Variants in CDKAL1 observed in about 807,000 individuals in gnomAD.
The protein encoded by CDKAL1 is threonylcarbamoyladenosine tRNA methylthiotransferase.
A neutral mutation model predicts 68.2 loss-of-function variants in CDKAL1; 32 were observed. The observed-to-expected ratio is 0.47, with a 90% confidence interval of 0.35 to 0.63. The LOEUF (loss-of-function observed/expected upper bound fraction) is 0.63, where lower values mean the gene tolerates loss of function less well. CDKAL1 is among the 30% of genes least tolerant of loss of function. CDKAL1 has a pLI of 0.00. For missense variants in CDKAL1, 606 were observed against 696.7 expected, an observed-to-expected ratio of 0.87 and a Z score of 1.47; for synonymous variants, 234 against 244.3, an observed-to-expected ratio of 0.96 and a Z score of 0.39.
rs141451640 is a variant in CDKAL1 at position 20,696,874 on chromosome 6, G to A, written c.372-42645G>A. On this transcript the variant is annotated intron_variant, in intron 5 of 15. Coordinates refer to ENST00000274695, the MANE Select transcript of CDKAL1 (RefSeq NM_017774.3). ...TGTGTTGAAGAATGTTTTGTATGAC[G>A]TGTTCGGTAGTCATTTTTCATCATG... 4.4e-3 allele frequency among the ~76,000 whole-genome samples: 663 copies of A among 152,164 alleles called. 5 individuals carry two copies. Among genetic ancestry groups the A allele is most frequent in the African/African-American group, 0.015 (626 of 41,506 alleles).
intron 13 of CDKAL1, among the ~76,000 whole-genome samples, chr6:21,140,368 A>G (rs929884434): frequency 5.9e-5 from 9 of 152,246 alleles, no homozygotes; most frequent in Middle Eastern, 3.2e-3. Flanking sequence ...GACCAAATGT[A>G]AACACTAGAG....
intron 8 of CDKAL1, among the ~76,000 whole-genome samples, chr6:20,810,367 G>GTCTCTCTC (rs5874785): frequency 2.9e-5 from 4 of 136,408 alleles, no homozygotes; most frequent in South Asian, 5.3e-4. Context: ...CATAGTGAGA[G>GTCTCTCTC]TCTCTCTCTC....
At chr6:20,644,231 G>A (rs1581883528) in intron 4 of CDKAL1, among the ~76,000 whole-genome samples, 3 of 151,386 alleles carry the variant, frequency 2.0e-5, no homozygotes, top group East Asian at 1.9e-4. Flanking sequence ...ATTCACAGCC[G>A]TATCCCCAGT....
chr6:20,984,565 G>A (rs868239178), intron 10 of CDKAL1, among the ~76,000 whole-genome samples: 1 of 152,166 alleles, frequency 6.6e-6, no homozygotes, highest in African/African-American at 2.4e-5. Flanking sequence ...GGAGGAATGA[G>A]GTTGCATGAT....
Position 21,099,997 on chromosome 6 carries a change from A to C in CDKAL1, c.1237-8404A>C, listed in dbSNP as rs112732904. Among the ~76,000 whole-genome samples, 694 of 152,320 alleles carry C rather than the reference A, an allele frequency of 4.6e-3. 6 individuals are homozygous for C. The highest frequency in any genetic ancestry group is 0.016 in the African/African-American group (667 of 41,572). On this transcript the variant is annotated intron_variant, in intron 12 of 15. Transcript: ENST00000274695. ...GAGCTTGATAGGAGAAGGTATGGCAACCTACATTTTATCACACATCACTGA... is the reference window on the plus strand; with the variant it reads ...GAGCTTGATAGGAGAAGGTATGGCACCCTACATTTTATCACACATCACTGA...
At chr6:20,963,822 C>G (rs1311898220) in intron 10 of CDKAL1, among the ~76,000 whole-genome samples, 1 of 152,012 alleles carries the variant, frequency 6.6e-6, no homozygotes, top group Non-Finnish European at 1.5e-5. Context: ...GTTCCAGTGT[C>G]TATATTATGA....
chr6:20,936,551 A>AT (rs961793572), intron 9 of CDKAL1, among the ~76,000 whole-genome samples: 299 of 144,844 alleles, frequency 2.1e-3, no homozygotes, highest in Admixed American at 3.1e-3. Context: ...CGCCCGGCCC[A>AT]TTTTTTTTTT....
rs73735033 is a variant in CDKAL1, at chr6:20,939,751, A to G, written c.743-15668A>G. Reference sequence around the variant, plus strand: ...GGATTGAGAGATGGTGTTTTTATCAAGTTAACAGGAGTGCTTTGGTAATGA... The same window carrying G: ...GGATTGAGAGATGGTGTTTTTATCAGGTTAACAGGAGTGCTTTGGTAATGA... On this transcript the variant is annotated intron_variant, in intron 9 of 15. Coordinates refer to ENST00000274695, the MANE Select transcript of CDKAL1 (RefSeq NM_017774.3). 3.9e-3 allele frequency among the ~76,000 whole-genome samples: 587 copies of G among 152,320 alleles called. 4 individuals carry two copies. Among genetic ancestry groups the G allele is most frequent in the African/African-American group, 0.013 (559 of 41,572 alleles).
chr6:21,093,694 CTTTTTTTTTTTTTTTTTTTTTT>C (rs547923386), intron 12 of CDKAL1, among the ~76,000 whole-genome samples: 27 of 88,084 alleles, frequency 3.1e-4, no homozygotes, highest in African/African-American at 1.1e-3. Context: ...GCTGCTGCTG[CTTTTTTTTTTTTTTTTTTTTTT>C]TTTTTTTTTT....
At chr6:20,968,547 C>A (rs1398381781) in intron 10 of CDKAL1, among the ~76,000 whole-genome samples, 1 of 151,942 alleles carries the variant, frequency 6.6e-6, no homozygotes, top group Non-Finnish European at 1.5e-5. Flanking sequence ...CCTAGAACTC[C>A]CATTATGTGT....
At chr6:20,746,561 A>G (rs1007251604) in intron 6 of CDKAL1, among the ~76,000 whole-genome samples, 6 of 152,140 alleles carry the variant, frequency 3.9e-5, no homozygotes, top group South Asian at 2.1e-4. Flanking sequence ...CTCCATTACT[A>G]TGTAAGGTAG....
At chr6:20,998,936 CA>C (rs1767270919) in intron 10 of CDKAL1, among the ~76,000 whole-genome samples, 1 of 152,148 alleles carries the variant, frequency 6.6e-6, no homozygotes, top group Admixed American at 6.6e-5. Flanking sequence ...CTAATGTTCA[CA>C]GTCAATGAAA....
intron 5 of CDKAL1, among the ~76,000 whole-genome samples, chr6:20,722,010 C>T (rs1396122520): frequency 1.3e-5 from 2 of 152,022 alleles, no homozygotes; most frequent in South Asian, 2.1e-4. Flanking sequence ...GGATTACAGG[C>T]GTGAGCCACC....
At chr6:20,752,969 A>G (rs1309770891) in intron 6 of CDKAL1, among the ~76,000 whole-genome samples, 1 of 152,068 alleles carries the variant, frequency 6.6e-6, no homozygotes, top group Non-Finnish European at 1.5e-5. Context: ...GGAACCTTTG[A>G]CCACTCCCAA....
chr6:21,080,367 C>T (rs1032989545), intron 12 of CDKAL1, among the ~76,000 whole-genome samples: 4 of 152,112 alleles, frequency 2.6e-5, no homozygotes, highest in Non-Finnish European at 4.4e-5. Flanking sequence ...GTTTCTAAGA[C>T]GGAAATGCTC....
At chr6:20,672,475 C>T (rs929456846) in intron 5 of CDKAL1, among the ~76,000 whole-genome samples, 1 of 152,024 alleles carries the variant, frequency 6.6e-6, no homozygotes, top group Non-Finnish European at 1.5e-5. Context: ...GTGCCTCAGC[C>T]TCCCGAGTAG....
intron 9 of CDKAL1, among the ~76,000 whole-genome samples, chr6:20,942,508 C>T (rs1411933691): frequency 1.3e-5 from 2 of 150,468 alleles, no homozygotes; most frequent in Admixed American, 1.3e-4. Flanking sequence ...GCTGGGATTA[C>T]AGTTGGGTGC....
At chr6:20,815,520 T>G (rs1004124704) in intron 8 of CDKAL1, among the ~76,000 whole-genome samples, 7 of 152,036 alleles carry the variant, frequency 4.6e-5, no homozygotes, top group Non-Finnish European at 7.4e-5. Context: ...TTAAATAAAC[T>G]TTCTCTTTTT....
At chr6:20,934,944 G>A (rs896715375) in intron 9 of CDKAL1, among the ~76,000 whole-genome samples, 5 of 144,606 alleles carry the variant, frequency 3.5e-5, no homozygotes, top group African/African-American at 1.0e-4. Context: ...CACCCAGGCC[G>A]GAGTTCAATG....
Sources: gnomAD v4.1 joint callset for allele counts (sites outside exome capture counted in the v4.1 genomes callset) on GRCh38, gnomAD v4.1.1 for gene constraint, MANE v1.5 for transcripts, NCBI Gene and HGNC (gene_info 2026-07-23, HGNC 2026-07-21) for gene names.